The following TRAPPC11 variants were observed in gnomAD, a reference collection of about 807,000 sequenced individuals.
TRAPPC11 encodes the protein foie gras homolog.
In TRAPPC11, 104 loss-of-function variants were observed where a neutral mutation model predicts 151.2. The ratio of observed to expected loss-of-function variants is 0.69; its 90% CI spans 0.59 to 0.81. TRAPPC11 has a LOEUF of 0.81. Ranked by LOEUF, TRAPPC11 falls within the 30% of genes least tolerant of loss-of-function variation. TRAPPC11 has a pLI of 0.00. For missense variants in TRAPPC11, 1,230 were observed against 1,349.6 expected (o/e 0.91, Z 1.39); for synonymous variants, 456 against 472.3 (o/e 0.97, Z 0.45).
At chr4:183,660,690 C>T (rs1448581978) in intron 1 of TRAPPC11, among the ~76,000 whole-genome samples, 1 of 152,078 alleles carries the variant, frequency 6.6e-6, no homozygotes, top group Admixed American at 6.5e-5. Context: ...AGCAAAGGGG[C>T]CCGTATTGTA....
At chr4:183,663,649 G>A (rs928060766) in intron 1 of TRAPPC11, among the ~76,000 whole-genome samples, 198 bp from the exon 2 acceptor site, 1 of 151,830 alleles carries the variant, frequency 6.6e-6, no homozygotes, top group East Asian at 1.9e-4. Flanking sequence ...GATTGTATGC[G>A]TGAGCCACCA....
intron 17 of TRAPPC11, 34 bp downstream of exon 17, chr4:183,685,437 G>T (rs1369625301): frequency 5.7e-6 from 9 of 1,586,628 alleles, no homozygotes; most frequent in Non-Finnish European, 6.9e-6. Flanking sequence ...CTATTTCAGA[G>T]AAATTGTCTT....
At chr4:183,675,356 T>G (rs1037110752) in intron 7 of TRAPPC11, 119 bp downstream of exon 7, 1 of 506,374 alleles carries the variant, frequency 2.0e-6, no homozygotes, top group Admixed American at 4.1e-5. Flanking sequence ...TTGCTTAGAT[T>G]TAGGAATTAG....
chr4:183,695,768 G>A (rs1440999095), intron 23 of TRAPPC11, among the ~76,000 whole-genome samples: 1 of 152,104 alleles, frequency 6.6e-6, no homozygotes, highest in Non-Finnish European at 1.5e-5. Context: ...TAGTCATTGG[G>A]AAAGAAAACC....
chr4:183,683,622 C>A (rs899502566), intron 11 of TRAPPC11, among the ~76,000 whole-genome samples: 1 of 151,986 alleles, frequency 6.6e-6, no homozygotes, highest in African/African-American at 2.4e-5. Flanking sequence ...GATTGTACCG[C>A]TGCACTCCAG....
At position 183,708,495 on chromosome 4, in the gene TRAPPC11, T is replaced by A; in HGVS notation, c.3278T>A (p.Leu1093His). 2 of 1,614,180 alleles carry A rather than the reference T, an allele frequency of 1.2e-6. No individual in the cohort carries two copies. Among genetic ancestry groups the A allele is most frequent in the Non-Finnish European group, 1.7e-6 (2 of 1,180,006 alleles). ...LMAGYQQLPSLNINLLRFPNF... is the reference protein window; with the variant it reads ...LMAGYQQLPSHNINLLRFPNF... ...GCTGGATACCAGCAGCTGCCATCTC[T>A]CAACATCAACTTGCTTAGATTTCCT... Residue 1093 changes from leucine to histidine, a missense_variant, in exon 29 of 30, where the codon CTC becomes CAC. Leu to His is a moderately conservative substitution (Grantham distance 99, BLOSUM62 -3). Transcript: ENST00000334690.
At chr4:183,665,189 G>A (rs1734793113) in intron 2 of TRAPPC11, among the ~76,000 whole-genome samples, 1 of 149,660 alleles carries the variant, frequency 6.7e-6, no homozygotes, top group South Asian at 2.1e-4. Context: ...CCGCCTCCTG[G>A]GTTCGTGCCA....
chr4:183,702,781 T>C (rs1309789454), intron 26 of TRAPPC11, among the ~76,000 whole-genome samples: 4 of 152,196 alleles, frequency 2.6e-5, no homozygotes, highest in East Asian at 1.9e-4. Flanking sequence ...TCATGTGTTA[T>C]CCTGTTGATG....
rs183779427 is a variant in TRAPPC11, at chr4:183,705,498, G to C, written c.3055+428G>C. 6.9e-3 allele frequency among the ~76,000 whole-genome samples: 1,053 copies of C among 152,158 alleles called. 4 individuals carry two copies. Among genetic ancestry groups the C allele is most frequent in the Non-Finnish European group, 0.011 (749 of 68,000 alleles). On this transcript the variant is annotated intron_variant, in intron 27 of 29. Coordinates refer to ENST00000334690, the MANE Select transcript of TRAPPC11 (RefSeq NM_021942.6). ...ATACTATCCTGTAACCTATAGGTAG[G>C]CAGCTAGGCTGACTACTACTCCCTC...
At position 183,685,815 on chromosome 4, in the gene TRAPPC11, ATTAT is replaced by A. The variant is rs1174498069; in HGVS notation, c.1762+419_1762+422del. Among the ~76,000 whole-genome samples, 4 of 152,054 alleles carry A rather than the reference ATTAT, an allele frequency of 2.6e-5. No homozygotes were observed. The East Asian group carries it at 5.8e-4, about 22-fold the overall frequency. ...GTAATTTATTTAAATTTTATTTTATATTATTTATTTGTTCATTTATTTTATTTTT... is the reference window on the plus strand; with the variant it reads ...GTAATTTATTTAAATTTTATTTTATATTATTTGTTCATTTATTTTATTTTT... On this transcript the variant is annotated intron_variant, in intron 17 of 29. Coordinates refer to ENST00000334690, the MANE Select transcript of TRAPPC11 (RefSeq NM_021942.6).
intron 27 of TRAPPC11, among the ~76,000 whole-genome samples, chr4:183,705,560 C>T (rs1224104837): frequency 6.6e-6 from 1 of 152,106 alleles, no homozygotes; most frequent in Admixed American, 6.5e-5. Context: ...CCACCATTAA[C>T]CCCTGCATCA....
At chr4:183,683,708 A>G (rs1279955512) in intron 11 of TRAPPC11, 2 of 452,598 alleles carry the variant, frequency 4.4e-6, no homozygotes, top group Non-Finnish European at 8.0e-6. Context: ...TGTATCCTCT[A>G]TAGAGGATGA....
rs1736341210 is a variant in TRAPPC11 at position 183,693,114 on chromosome 4, A to C, written c.2204A>C (p.His735Pro). ...CCTAAGCTACCTGACAATGAAGTTC[A>C]CTGGGACAGCATTATAATTCAGGCA... ...RRPKLPDNEV[H>P]WDSIIIQAST... Residue 735 changes from histidine (H) to proline (P), a missense_variant, in exon 20 of 30, where the codon CAC (histidine) becomes CCC (proline). Transcript: ENST00000334690. 1 of 1,610,908 alleles carries C rather than the reference A, an allele frequency of 6.2e-7. No individual in the cohort carries two copies. The highest frequency in any genetic ancestry group is 8.5e-7 in the Non-Finnish European group (1 of 1,177,962).
chr4:183,661,484 G>T (rs570711709), intron 1 of TRAPPC11, among the ~76,000 whole-genome samples: 1 of 144,146 alleles, frequency 6.9e-6, no homozygotes. Flanking sequence ...CCATTCTCCT[G>T]CCTCAGCCTC....
chr4:183,676,741 A>T (rs1735430942), intron 7 of TRAPPC11, among the ~76,000 whole-genome samples: 1 of 152,168 alleles, frequency 6.6e-6, no homozygotes, highest in South Asian at 2.1e-4. Context: ...CTGTAGAGGT[A>T]CTTGGGGTTA....
chr4:183,669,729 A>G (rs1159225638), intron 5 of TRAPPC11, among the ~76,000 whole-genome samples: 1 of 152,204 alleles, frequency 6.6e-6, no homozygotes, highest in African/African-American at 2.4e-5. Context: ...TACAGCGTAC[A>G]GGACAGCCCT....
At chr4:183,692,124 T>C (rs1736289260) in intron 19 of TRAPPC11, among the ~76,000 whole-genome samples, 1 of 152,148 alleles carries the variant, frequency 6.6e-6, no homozygotes, top group South Asian at 2.1e-4. Context: ...AAAATGGGGA[T>C]CATAAGAGTA....
chr4:183,712,772 C>A lies in TRAPPC11; in HGVS notation c.*128C>A. The A allele has an allele frequency of 1.2e-6, 1 of 841,968 alleles. No individual in the cohort carries two copies. The highest frequency in any genetic ancestry group is 1.9e-6 in the Non-Finnish European group (1 of 523,812). 52.2% of individuals were successfully genotyped at this position (841,968 alleles called of 1,614,324 possible). A position where few individuals can be genotyped will look rare whatever the true frequency, so the allele number is the denominator to read the frequency against. ...TTTCTATTTTTTAATGGATGTTATA[C>A]CAACTATTCAGAGGAACTCATACTT... On this transcript the variant is annotated 3_prime_UTR_variant, in exon 30 of 30. Transcript: ENST00000334690.
chr4:183,667,062 A>G lies in TRAPPC11; in HGVS notation c.377A>G (p.Gln126Arg), dbSNP rs780488025. The change falls in exon 4 of 30, where the codon CAA becomes CGA. Residue 126 changes from glutamine to arginine, a missense_variant and splice_region_variant. Gln to Arg is a conservative substitution (Grantham distance 43). Transcript: ENST00000334690. ...ECATRVEIVR[Q>R]SLQGRNTKVA... ...TTATTCTTGCTTTTTCATTGCAGGC[A>G]AAGTTTACAAGGAAGAAACACAAAA... 1 of 1,590,844 alleles carries G rather than the reference A, an allele frequency of 6.3e-7. No individual in the cohort carries two copies. Among genetic ancestry groups the G allele is most frequent in the Non-Finnish European group, 8.6e-7 (1 of 1,164,840 alleles).
Sources: allele counts gnomAD v4.1 joint callset (sites outside exome capture counted in the v4.1 genomes callset), GRCh38; gene constraint gnomAD v4.1.1; transcripts MANE v1.5; gene names NCBI Gene and HGNC (gene_info 2026-07-23, HGNC 2026-07-21).